The following RNF115 variants were observed in gnomAD, a reference collection of about 807,000 sequenced individuals.
RNF115 encodes E3 ubiquitin-protein ligase RNF115.
Under a neutral mutation model 39.2 loss-of-function variants are expected in RNF115, and 31 were observed. The observed-to-expected ratio is 0.79, with a 90% CI of 0.59 to 1.07. RNF115 has a LOEUF of 1.07. RNF115 is among the 50% of genes least tolerant of loss of function. The probability of loss-of-function intolerance (pLI) is 0.00; values close to 1 mark genes in which losing one functional copy is unlikely to be tolerated. For synonymous variants in RNF115, 124 were observed against 131.0 expected, an observed-to-expected ratio of 0.95 and a Z score of 0.37; for missense variants, 384 against 381.7, an observed-to-expected ratio of 1.01 and a Z score of -0.05.
intron 4 of RNF115, among the ~76,000 whole-genome samples, chr1:145,761,149 G>C (rs1553713782): frequency 6.6e-6 from 1 of 152,168 alleles, no homozygotes; most frequent in Admixed American, 6.5e-5. Context: ...CTGTTAACCA[G>C]TTTTATAAGG....
intron 1 of RNF115, among the ~76,000 whole-genome samples, chr1:145,797,597 A>G (rs1426321665): frequency 3.3e-5 from 5 of 152,202 alleles, no homozygotes; most frequent in African/African-American, 9.7e-5. Flanking sequence ...TGAATGTGCT[A>G]TGAGCATAGG....
Position 145,811,904 on chromosome 1 carries a change from AAAAAATAT to A in RNF115, c.102+11860_102+11867del, listed in dbSNP as rs1483584957. 8.2e-5 allele frequency among the ~76,000 whole-genome samples: 7 copies of A among 85,426 alleles called. No homozygotes were observed. In the East Asian group the frequency reaches 1.1e-3, roughly 14 times the overall value. 56.0% of individuals were successfully genotyped at this position (85,426 alleles called of 152,430 possible). A position where few individuals can be genotyped will look rare whatever the true frequency, so the allele number is the denominator to read the frequency against. ...CTCACAAAAAAAAAAAAAAAAAAAA[AAAAAATAT>A]ATATATATATATATATATATACACA... On this transcript the variant is annotated intron_variant, in intron 1 of 8. Coordinates refer to ENST00000582693, the MANE Select transcript of RNF115 (RefSeq NM_014455.4).
intron 1 of RNF115, among the ~76,000 whole-genome samples, chr1:145,811,908 A>AAATATATAT (rs1553722706): frequency 3.6e-5 from 2 of 55,152 alleles, no homozygotes; most frequent in African/African-American, 1.1e-4. Context: ...AAAAAAAAAA[A>AAATATATAT]ATATATATAT....
intron 4 of RNF115, among the ~76,000 whole-genome samples, chr1:145,762,075 C>T (rs1175278046): frequency 6.6e-5 from 10 of 152,132 alleles, no homozygotes; most frequent in African/African-American, 2.4e-4. Context: ...TTGGAATGGC[C>T]GTATTTACGA....
At chr1:145,788,270 CG>C in intron 2 of RNF115, among the ~76,000 whole-genome samples, 1 of 152,206 alleles carries the variant, frequency 6.6e-6, no homozygotes, top group African/African-American at 2.4e-5. Context: ...TTAATGGAGA[CG>C]GGGTTTCACC....
At chr1:145,762,681 G>C (rs74645609) in intron 4 of RNF115, among the ~76,000 whole-genome samples, 29 of 145,382 alleles carry the variant, frequency 2.0e-4, no homozygotes, top group Middle Eastern at 3.4e-3. Flanking sequence ...TTTTTAATAA[G>C]AAAAAAAAAA....
intron 4 of RNF115, among the ~76,000 whole-genome samples, chr1:145,762,380 C>T (rs1239327285): frequency 6.6e-6 from 1 of 152,132 alleles, no homozygotes; most frequent in African/African-American, 2.4e-5. Flanking sequence ...CCATGTGGAA[C>T]TATTAAATCC....
intron 4 of RNF115, among the ~76,000 whole-genome samples, chr1:145,767,118 G>A (rs1647357103): frequency 6.7e-6 from 1 of 149,814 alleles, no homozygotes; most frequent in East Asian, 2.0e-4. Context: ...CCGGCAGAGG[G>A]GCTCCTCACT....
chr1:145,808,653 T>C (rs1649564119), intron 1 of RNF115, among the ~76,000 whole-genome samples: 1 of 152,208 alleles, frequency 6.6e-6, no homozygotes, highest in African/African-American at 2.4e-5. Flanking sequence ...AATGTACCAT[T>C]ATAAATAGTT....
chr1:145,779,876 T>C (rs2101549320), intron 3 of RNF115, among the ~76,000 whole-genome samples: 1 of 151,784 alleles, frequency 6.6e-6, no homozygotes, highest in East Asian at 2.0e-4. Context: ...TTGGACAGGC[T>C]GGTCTGGAAC....
At chr1:145,771,539 G>A (rs1553715748) in intron 4 of RNF115, among the ~76,000 whole-genome samples, 172 bp downstream of exon 4, 3 of 152,134 alleles carry the variant, frequency 2.0e-5, no homozygotes, top group African/African-American at 7.2e-5. Flanking sequence ...TCACTCTCTG[G>A]TTTATCATCG....
chr1:145,790,580 C>T (rs1553718798), intron 1 of RNF115, among the ~76,000 whole-genome samples: 1 of 150,778 alleles, frequency 6.6e-6, no homozygotes, highest in Admixed American at 6.6e-5. Context: ...TTATAGGCAC[C>T]TGCCACCATG....
chr1:145,752,583 C>CTATTTTTTTTTTT (rs1279960498), intron 5 of RNF115, among the ~76,000 whole-genome samples: 1 of 60,444 alleles, frequency 1.7e-5, no homozygotes, highest in African/African-American at 1.3e-4. Context: ...ACCTATGCAG[C>CTATTTTTTTTTTT]TCTTTTTTTT....
In RNF115 at chr1:145,751,519, G is replaced by C. The variant is rs1658087608; in HGVS notation, c.501-9C>G. ...AGTGCAGCATCCCGCTCCTATACGTGAGATGAGATAGACAGCATTAGATGG... is the reference window on the plus strand; with the variant it reads ...AGTGCAGCATCCCGCTCCTATACGTCAGATGAGATAGACAGCATTAGATGG... On this transcript the variant is annotated splice_polypyrimidine_tract_variant and intron_variant, in intron 5 of 8. Coordinates refer to ENST00000582693, the MANE Select transcript of RNF115 (RefSeq NM_014455.4). 4 of 1,587,152 alleles carry C rather than the reference G, an allele frequency of 2.5e-6. No homozygotes were observed. The East Asian group carries it at 9.0e-5, about 36-fold the overall frequency.
Position 145,746,768 on chromosome 1 carries a change from CAT to C in RNF115, c.*96_*97del. 2.5e-6 allele frequency: 3 copies of C among 1,195,684 alleles called. No homozygotes were observed. Among genetic ancestry groups the C allele is most frequent in the Non-Finnish European group, 3.5e-6 (3 of 849,060 alleles). 74.1% of individuals were successfully genotyped at this position (1,195,684 alleles called of 1,614,324 possible). On this transcript the variant is annotated 3_prime_UTR_variant, in exon 9 of 9. Transcript: ENST00000582693. ...TTTATATTATGTGTTGAGTTTCTTA[CAT>C]ATTCCTAAATCCATCTACTAATTTT...
chr1:145,770,785 A>G (rs1647603817), intron 4 of RNF115, among the ~76,000 whole-genome samples: 1 of 152,234 alleles, frequency 6.6e-6, no homozygotes, highest in Non-Finnish European at 1.5e-5. Context: ...AACACTTAAA[A>G]TTAACGTTTA....
At chr1:145,748,312 A>G (rs1553712048) in intron 7 of RNF115, among the ~76,000 whole-genome samples, 3 of 152,146 alleles carry the variant, frequency 2.0e-5, no homozygotes, top group Non-Finnish European at 4.4e-5. Context: ...CAGAGACATG[A>G]AAAGAAGGAA....
chr1:145,819,441 G>A (rs1650137938), intron 1 of RNF115, among the ~76,000 whole-genome samples: 1 of 152,046 alleles, frequency 6.6e-6, no homozygotes, highest in East Asian at 1.9e-4. Context: ...GACACAGTGA[G>A]ACCCTGTCTC....
chr1:145,779,911 C>T (rs587751006), intron 3 of RNF115, among the ~76,000 whole-genome samples: 2 of 151,322 alleles, frequency 1.3e-5, no homozygotes, highest in East Asian at 4.0e-4. Flanking sequence ...GATCTGCATG[C>T]CCGGCCAATA....
Sources: gnomAD v4.1 joint callset for allele counts (sites outside exome capture counted in the v4.1 genomes callset) on GRCh38, gnomAD v4.1.1 for gene constraint, MANE v1.5 for transcripts, NCBI Gene and HGNC (gene_info 2026-07-23, HGNC 2026-07-21) for gene names.